The following KHDRBS2 variants were observed in gnomAD, a reference collection of about 807,000 sequenced individuals.
The protein encoded by KHDRBS2 is KH RNA binding domain containing, signal transduction associated 2, also known as KH domain-containing, RNA-binding, signal transduction-associated protein 2.
Under a neutral mutation model 44.3 loss-of-function variants are expected in KHDRBS2, and 26 were observed. That is an observed-to-expected ratio of 0.59 (90% CI 0.43 to 0.81). The LOEUF (loss-of-function observed/expected upper bound fraction) is 0.81, where lower values mean the gene tolerates loss of function less well. KHDRBS2 is among the 40% of genes least tolerant of loss of function. KHDRBS2 has a pLI of 0.00. For missense variants in KHDRBS2, 476 were observed against 433.1 expected, an observed-to-expected ratio of 1.10 and a Z score of -0.88; for synonymous variants, 194 against 151.1, an observed-to-expected ratio of 1.28 and a Z score of -2.08.
intron 6 of KHDRBS2, among the ~76,000 whole-genome samples, chr6:61,812,459 A>G (rs980692334): frequency 6.6e-6 from 1 of 152,108 alleles, no homozygotes; most frequent in Admixed American, 6.6e-5. Flanking sequence ...AATCTTTCCA[A>G]CAACCCAGGA....
the KHDRBS2 span, among the ~76,000 whole-genome samples, chr6:61,660,993 C>G: frequency 6.6e-6 from 1 of 151,730 alleles, no homozygotes; most frequent in Non-Finnish European, 1.5e-5. Flanking sequence ...TTTTGTTTTT[C>G]TTTGTAATAC....
chr6:61,720,307 TG>T (rs1772228633), intron 7 of KHDRBS2, among the ~76,000 whole-genome samples: 1 of 152,202 alleles, frequency 6.6e-6, no homozygotes, highest in East Asian at 1.9e-4. Flanking sequence ...ATGGGATGGC[TG>T]GGTCAAATGG....
At chr6:61,888,174 A>G (rs1027493665) in intron 6 of KHDRBS2, among the ~76,000 whole-genome samples, 5 of 152,186 alleles carry the variant, frequency 3.3e-5, no homozygotes, top group African/African-American at 1.2e-4. Flanking sequence ...TGGGTCCCCA[A>G]TAACTATGTT....
intron 1 of KHDRBS2, among the ~76,000 whole-genome samples, chr6:62,259,009 A>G (rs1460810773): frequency 6.6e-6 from 1 of 152,032 alleles, no homozygotes; most frequent in Non-Finnish European, 1.5e-5. Flanking sequence ...GTTTTCACTT[A>G]CCAAGGCACA....
intron 3 of KHDRBS2, among the ~76,000 whole-genome samples, chr6:62,044,548 C>T (rs1187140049): frequency 2.6e-5 from 4 of 151,698 alleles, no homozygotes; most frequent in Non-Finnish European, 4.4e-5. Flanking sequence ...TTTGTAGTAC[C>T]TTAGCAGCAT....
At chr6:61,750,759 G>T (rs200933988) in intron 6 of KHDRBS2, among the ~76,000 whole-genome samples, 10 of 100,248 alleles carry the variant, frequency 1.0e-4, no homozygotes, top group East Asian at 5.0e-4. Flanking sequence ...AGAGAAAAAA[G>T]TAAAAAAAAA....
chr6:61,967,516 G>C (rs1288592024), intron 4 of KHDRBS2, among the ~76,000 whole-genome samples: 3 of 151,786 alleles, frequency 2.0e-5, no homozygotes, highest in Non-Finnish European at 2.9e-5. Context: ...TGAAAGGAGA[G>C]TTATAAAGGG....
At chr6:61,824,516 T>A (rs1425766107) in intron 6 of KHDRBS2, among the ~76,000 whole-genome samples, 2 of 152,108 alleles carry the variant, frequency 1.3e-5, no homozygotes, top group Non-Finnish European at 2.9e-5. Flanking sequence ...CCTGTCTTCA[T>A]AAACTACCGA....
intron 2 of KHDRBS2, among the ~76,000 whole-genome samples, chr6:62,120,636 C>T (rs537641751): frequency 6.6e-6 from 1 of 152,110 alleles, no homozygotes; most frequent in African/African-American, 2.4e-5. Context: ...CATGGTATTC[C>T]TAGAAGCGAA....
intron 2 of KHDRBS2, among the ~76,000 whole-genome samples, chr6:62,105,927 T>G (rs551160866): frequency 5.3e-4 from 80 of 152,312 alleles, no homozygotes; most frequent in Non-Finnish European, 9.3e-4. Flanking sequence ...TGCTATAAAT[T>G]TCCCTCTACA....
intron 1 of KHDRBS2, among the ~76,000 whole-genome samples, chr6:62,218,512 G>A (rs1422260561): frequency 6.6e-6 from 1 of 151,648 alleles, no homozygotes; most frequent in Non-Finnish European, 1.5e-5. Context: ...GAAAAAGACA[G>A]ATATCAAATA....
In KHDRBS2 at chr6:61,945,131, A is replaced by G. The variant is rs868752441; in HGVS notation, c.483+32935T>C. ...AAAAAAAGTATATATATATATATAT[A>G]TATATATATATATATATATACACAC... is the stretch of plus-strand genomic sequence containing the variant. On this transcript the variant is annotated intron_variant, in intron 4 of 8. Transcript: ENST00000281156. Among the ~76,000 whole-genome samples, 112 of 85,506 alleles carry G rather than the reference A, an allele frequency of 1.3e-3. 5 individuals are homozygous for G. The highest frequency in any genetic ancestry group is 0.012 in the Middle Eastern group (2 of 172). 56.1% of individuals were successfully genotyped at this position (85,506 alleles called of 152,430 possible).
intron 2 of KHDRBS2, among the ~76,000 whole-genome samples, chr6:62,076,111 C>T (rs1796286095): frequency 6.6e-6 from 1 of 151,854 alleles, no homozygotes; most frequent in African/African-American, 2.4e-5. Flanking sequence ...TTATTTCTCC[C>T]CAACCCCATA....
intron 2 of KHDRBS2, among the ~76,000 whole-genome samples, chr6:62,138,053 A>AT (rs1420714635): frequency 1.3e-5 from 2 of 152,152 alleles, no homozygotes; most frequent in African/African-American, 4.8e-5. Flanking sequence ...CAGCTGAAGG[A>AT]TTTTAACTGA....
intron 1 of KHDRBS2, among the ~76,000 whole-genome samples, chr6:62,279,051 G>GC: frequency 6.6e-6 from 1 of 152,138 alleles, no homozygotes; most frequent in Middle Eastern, 3.4e-3. Context: ...CTGAGATTGT[G>GC]CCACTGCACT....
chr6:61,795,081 G>T (rs543794945), intron 6 of KHDRBS2, among the ~76,000 whole-genome samples: 1 of 138,414 alleles, frequency 7.2e-6, no homozygotes, highest in South Asian at 2.4e-4. Context: ...GGAGGTTGCA[G>T]TGAGCCGAGA....
chr6:61,951,940 C>A (rs183411205), intron 4 of KHDRBS2, among the ~76,000 whole-genome samples: 31 of 152,000 alleles, frequency 2.0e-4, no homozygotes, highest in Non-Finnish European at 4.4e-4. Flanking sequence ...ATTATCTGTA[C>A]AATCAAAGAA....
rs1188471190 is a variant in KHDRBS2, at chr6:61,993,650, C to CATATATATAT, written c.337-15448_337-15439dup. Reference sequence around the variant, plus strand: ...CTCTACTCCTTCAGTCCCATAAAATCATATATATATATATATATATATATT... The same window carrying CATATATATAT: ...CTCTACTCCTTCAGTCCCATAAAATCATATATATATATATATATATATATATATATATATT... On this transcript the variant is annotated intron_variant, in intron 3 of 8. Coordinates refer to ENST00000281156, the MANE Select transcript of KHDRBS2 (RefSeq NM_152688.4). Among the ~76,000 whole-genome samples, 323 of 66,370 alleles carry CATATATATAT rather than the reference C, an allele frequency of 4.9e-3. 4 individuals carry two copies. The highest frequency in any genetic ancestry group is 5.4e-3 in the African/African-American group (137 of 25,200). The allele number at this position is 66,370 out of a possible 152,430, so 43.5% of individuals were successfully genotyped here.
chr6:62,173,725 A>G (rs1283814301), intron 2 of KHDRBS2, among the ~76,000 whole-genome samples: 1 of 152,112 alleles, frequency 6.6e-6, no homozygotes, highest in East Asian at 1.9e-4. Flanking sequence ...TTCCACAATC[A>G]GGTAGGCTTT....
Sources: allele counts gnomAD v4.1 joint callset (sites outside exome capture counted in the v4.1 genomes callset), GRCh38; gene constraint gnomAD v4.1.1; transcripts MANE v1.5; gene names NCBI Gene and HGNC (gene_info 2026-07-23, HGNC 2026-07-21).